TGOLN2: variants seen among roughly 807,000 people sequenced by gnomAD.
The protein encoded by TGOLN2 is trans-Golgi network integral membrane protein 2.
Under a neutral mutation model 31.3 loss-of-function variants are expected in TGOLN2, and 19 were observed. The observed-to-expected ratio is 0.61, with a 90% CI of 0.42 to 0.89. The LOEUF is 0.89. Among genes scored for constraint, TGOLN2 ranks in the 40% least tolerant of loss-of-function variants. The pLI is 0.00. For missense variants in TGOLN2, 540 were observed against 559.2 expected (o/e 0.97, Z 0.35); for synonymous variants, 222 against 226.7 (o/e 0.98, Z 0.19).
Position 85,318,435 on chromosome 2 carries a change from T to C in TGOLN2, c.*4301A>G, listed in dbSNP as rs1399091077. ...CATCTGACTTGCAGAACTAGACGAG[T>C]TGAGTCACTGTTAGCTCTGGATATA... On this transcript the variant is annotated 3_prime_UTR_variant, in exon 4 of 4. Transcript: ENST00000377386. 4 of 152,112 alleles carry C rather than the reference T, an allele frequency of 2.6e-5. No homozygotes were observed. The highest frequency in any genetic ancestry group is 6.5e-5 in the Admixed American group (1 of 15,272). The allele number at this position is 152,112 out of a possible 1,614,324, so 9.4% of individuals were successfully genotyped here. A position where few individuals can be genotyped will look rare whatever the true frequency, so the allele number is the denominator to read the frequency against.
rs1682739593 is a variant in TGOLN2, at chr2:85,326,605, C to T, written c.1127G>A (p.Gly376Glu). 2.5e-6 allele frequency: 4 copies of T among 1,614,026 alleles called. No homozygotes were observed. In the East Asian group the frequency reaches 6.7e-5, roughly 27 times the overall value. The part of the protein sequence containing the change: ...EKDDLYPNGS[G>E]NGSAESSHFF... Reference sequence around the variant, plus strand: ...GTGGCTGCTCTCCGCGCTGCCATTTCCAGAACCGTTCGGATAAAGGTCATC... The same window carrying T: ...GTGGCTGCTCTCCGCGCTGCCATTTTCAGAACCGTTCGGATAAAGGTCATC... The change falls in exon 2 of 4, where the codon GGA becomes GAA. Residue 376 changes from glycine to glutamate, a missense_variant. By Grantham distance (98) the Gly-to-Glu change is moderately conservative (BLOSUM62 -2). Coordinates refer to ENST00000377386, the MANE Select transcript of TGOLN2 (RefSeq NM_006464.4).
chr2:85,326,735 GT>G lies in TGOLN2; in HGVS notation c.996del (p.Glu334ArgfsTer57), dbSNP rs1682746105. On this transcript the variant is annotated frameshift_variant, in exon 2 of 4. Transcript: ENST00000377386. LOFTEE classifies it high-confidence loss of function. Reference protein sequence around the residue: ...EPKEAEDDDTGPEEGSPPKEE... With the variant: ...EPKEAEDDDTXPEEGSPPKEE... ...TCTTTGGGCGGTGAGCCCTCCTCGG[GT>G]CCTGTATCATCATCTTCAGCCTCTT... The G allele has an allele frequency of 1.9e-6, 3 of 1,613,920 alleles. No homozygotes were observed. The South Asian group carries it at 3.3e-5, about 18-fold the overall frequency.
chr2:85,324,627 CGG>C (rs1682668452), intron 3 of TGOLN2: 1 of 465,830 alleles, frequency 2.1e-6, no homozygotes, highest in African/African-American at 2.1e-5. Flanking sequence ...AGAAACTTAG[CGG>C]AAAAAAAAAA....
Position 85,327,081 on chromosome 2 carries a change from T to C in TGOLN2, c.651A>G (p.Pro217=). 2 of 1,613,624 alleles carry C rather than the reference T, an allele frequency of 1.2e-6. No homozygotes were observed. The highest frequency in any genetic ancestry group is 1.7e-6 in the Non-Finnish European group (2 of 1,179,774). ...PNKSGAEKQT[P]KDGSNKSGAE... is the part of the protein sequence containing the mutation. ...CACCGGACTTGTTAGAGCCGTCTTT[T>C]GGAGTCTGCTTCTCCGCACCCGACT... Residue 217 remains proline, a synonymous_variant, in exon 2 of 4, where the codon CCA becomes CCG. Coordinates refer to ENST00000377386, the MANE Select transcript of TGOLN2 (RefSeq NM_006464.4).
In TGOLN2 at chr2:85,319,809, A is replaced by C. The variant is rs4832164; in HGVS notation, c.*2927T>G. 89,050 of 152,076 alleles carry C rather than the reference A, an allele frequency of 0.59. 26,764 individuals are homozygous for C. Among genetic ancestry groups the C allele is most frequent in the East Asian group, 0.96 (4,961 of 5,174 alleles). 9.4% of individuals were successfully genotyped at this position (152,076 alleles called of 1,614,324 possible). A position where few individuals can be genotyped will look rare whatever the true frequency, so the allele number is the denominator to read the frequency against. Reference sequence around the variant, plus strand: ...GGAAGTCCTAAGGAAGGTCACCATGATCAGCAGATAGGAAAGCATTGCCAA... The same window carrying C: ...GGAAGTCCTAAGGAAGGTCACCATGCTCAGCAGATAGGAAAGCATTGCCAA... On this transcript the variant is annotated 3_prime_UTR_variant, in exon 4 of 4. Coordinates refer to ENST00000377386, the MANE Select transcript of TGOLN2 (RefSeq NM_006464.4).
rs779178349 is a variant in TGOLN2, at chr2:85,324,956, G to A, written c.1267C>T (p.Arg423Trp). Residue 423 changes from arginine (R) to tryptophan (W), a missense_variant, in exon 3 of 4, where the codon CGG becomes TGG. Arg to Trp is a moderately radical substitution (Grantham distance 101, BLOSUM62 -3). Transcript: ENST00000377386. Reference sequence around the variant, plus strand: ...TGGTAGTCACTGGCCTTTGGCCGCCGGGTGACTTTAGATCTTTTTCCTTCC... The same window carrying A: ...TGGTAGTCACTGGCCTTTGGCCGCCAGGTGACTTTAGATCTTTTTCCTTCC... ...VLEGKRSKVT[R>W]RPKASDYQRL... 40 of 1,554,468 alleles carry A rather than the reference G, an allele frequency of 2.6e-5. No individual in the cohort carries two copies. The highest frequency in any genetic ancestry group is 3.1e-5 in the Non-Finnish European group (36 of 1,148,262).
In TGOLN2 at chr2:85,327,899, C is replaced by A; in HGVS notation, c.46+18G>T. 1.3e-6 allele frequency: 2 copies of A among 1,593,734 alleles called. No homozygotes were observed. Among genetic ancestry groups the A allele is most frequent in the East Asian group, 2.3e-5 (1 of 43,880 alleles). On this transcript the variant is annotated intron_variant, in intron 1 of 3. Coordinates refer to ENST00000377386, the MANE Select transcript of TGOLN2 (RefSeq NM_006464.4). ...GGGATCTGGGGGCAAGAGTGGGATG[C>A]GGGATGGAGGGTCTTACCCGCCGCT...
intron 3 of TGOLN2, chr2:85,324,710 G>A (rs1414900035): frequency 3.3e-6 from 2 of 613,814 alleles, no homozygotes; most frequent in African/African-American, 1.9e-5. Flanking sequence ...GTATTCCAAG[G>A]TCTCTGCTAG....
In TGOLN2 at chr2:85,327,165, T is replaced by C; in HGVS notation, c.567A>G (p.Pro189=). ...CACCCGACTTGCTGGAGCCGTCTTT[T>C]GGGGTCTGGCCGTCCGCACCCGACT... ...PNKSGADGQT[P]KDGSSKSGAE... Residue 189 remains proline, a synonymous_variant, in exon 2 of 4, where the codon CCA becomes CCG. Coordinates refer to ENST00000377386, the MANE Select transcript of TGOLN2 (RefSeq NM_006464.4). 1 of 1,613,772 alleles carries C rather than the reference T, an allele frequency of 6.2e-7. No homozygotes were observed. The highest frequency in any genetic ancestry group is 8.5e-7 in the Non-Finnish European group (1 of 1,179,844).
At position 85,326,842 on chromosome 2, in the gene TGOLN2, T is replaced by A; in HGVS notation, c.890A>T (p.Glu297Val). 2 of 1,614,044 alleles carry A rather than the reference T, an allele frequency of 1.2e-6. No homozygotes were observed. Among genetic ancestry groups the A allele is most frequent in the Non-Finnish European group, 1.7e-6 (2 of 1,179,904 alleles). ...AATGAGGTCAGTTTCCTCCCCAGAT[T>A]CGGTTTTGAAAGCATGAGGAGAAAG... ...GKLSPHAFKT[E>V]SGEETDLISP... The change falls in exon 2 of 4, where the codon GAA becomes GTA. Residue 297 changes from glutamate to valine, a missense_variant. Coordinates refer to ENST00000377386, the MANE Select transcript of TGOLN2 (RefSeq NM_006464.4).
In TGOLN2 at chr2:85,327,270, C is replaced by G. The variant is rs980552270; in HGVS notation, c.462G>C (p.Ser154=). ...AQTPEDSPNR[S]GAEAKTQKDS... is the part of the protein sequence containing the mutation. ...CTTTTTGGGTCTTTGCCTCCGCACCCGACCTGTTGGGGCTGTCTTCTGGGG... is the reference window on the plus strand; with the variant it reads ...CTTTTTGGGTCTTTGCCTCCGCACCGGACCTGTTGGGGCTGTCTTCTGGGG... Residue 154 remains serine (S), a synonymous_variant, in exon 2 of 4, where the codon TCG becomes TCC. Coordinates refer to ENST00000377386, the MANE Select transcript of TGOLN2 (RefSeq NM_006464.4). 1 of 1,612,774 alleles carries G rather than the reference C, an allele frequency of 6.2e-7. No homozygotes were observed. Among genetic ancestry groups the G allele is most frequent in the African/African-American group, 1.3e-5 (1 of 74,896 alleles).
intron 2 of TGOLN2, 134 bp from the exon 3 acceptor site, chr2:85,325,132 AG>A: frequency 1.3e-6 from 1 of 753,188 alleles, no homozygotes; most frequent in Non-Finnish European, 2.2e-6. Flanking sequence ...ACACTCACAG[AG>A]GTCTATTTAA....
Position 85,322,801 on chromosome 2 carries a change from T to TGACC in TGOLN2, c.1309-64_1309-61dup, listed in dbSNP as rs776745488. On this transcript the variant is annotated intron_variant, in intron 3 of 3. Coordinates refer to ENST00000377386, the MANE Select transcript of TGOLN2 (RefSeq NM_006464.4). Reference sequence around the variant, plus strand: ...GAAAACATTCAGAATTAAGACATACTGACCCACCACCACAGAAACAGCAAT... The same window carrying TGACC: ...GAAAACATTCAGAATTAAGACATACTGACCGACCCACCACCACAGAAACAGCAAT... 5.0e-6 allele frequency: 8 copies of TGACC among 1,589,314 alleles called. No individual in the cohort carries two copies. The South Asian group carries it at 8.1e-5, about 16-fold the overall frequency.
At position 85,327,964 on chromosome 2, in the gene TGOLN2, C is replaced by A; in HGVS notation, c.-2G>T. On this transcript the variant is annotated 5_prime_UTR_variant, in exon 1 of 4. In the 5' UTR this introduces an upstream ATG that the reference lacks. Transcript: ENST00000377386. ...GACCAAGGCAACCACGAACCGCATC[C>A]TGCTCGGATAGCGCTTCCGCCCTCT... 1 of 1,592,386 alleles carries A rather than the reference C, an allele frequency of 6.3e-7. No individual in the cohort carries two copies. The highest frequency in any genetic ancestry group is 2.3e-5 in the East Asian group (1 of 43,882).
chr2:85,320,531 C>T lies in TGOLN2; in HGVS notation c.*2205G>A, dbSNP rs1381667370. The T allele has an allele frequency of 6.6e-6, 1 of 152,216 alleles. No homozygotes were observed. The highest frequency in any genetic ancestry group is 1.5e-5 in the Non-Finnish European group (1 of 68,050). 9.4% of individuals were successfully genotyped at this position (152,216 alleles called of 1,614,324 possible). A position where few individuals can be genotyped will look rare whatever the true frequency, so the allele number is the denominator to read the frequency against. ...AGTTAGGAATTTAGGTGACCGAAGA[C>T]TGTCCTAGACAGTTGGGAGGGACAG... On this transcript the variant is annotated 3_prime_UTR_variant, in exon 4 of 4. Transcript: ENST00000377386.
chr2:85,327,028 G>C lies in TGOLN2; in HGVS notation c.704C>G (p.Pro235Arg). The part of the protein sequence containing the change: ...GAEEQGPIDG[P>R]SKSGAEEQTS... ...CTGCTCCTCCGCACCCGACTTGCTG[G>C]GCCCGTCTATTGGGCCCTGCTCCTC... The change falls in exon 2 of 4, where the codon CCC becomes CGC. Residue 235 changes from proline to arginine, a missense_variant. Coordinates refer to ENST00000377386, the MANE Select transcript of TGOLN2 (RefSeq NM_006464.4). 1.2e-6 allele frequency: 2 copies of C among 1,613,774 alleles called. No individual in the cohort carries two copies. The highest frequency in any genetic ancestry group is 2.7e-5 in the African/African-American group (2 of 74,992).
In TGOLN2 at chr2:85,319,170, A is replaced by G. The variant is rs188743201; in HGVS notation, c.*3566T>C. 4.2e-5 allele frequency: 6 copies of G among 143,982 alleles called. No homozygotes were observed. The East Asian group carries it at 1.2e-3, about 30-fold the overall frequency. 8.9% of individuals were successfully genotyped at this position (143,982 alleles called of 1,614,324 possible). On this transcript the variant is annotated 3_prime_UTR_variant, in exon 4 of 4. Coordinates refer to ENST00000377386, the MANE Select transcript of TGOLN2 (RefSeq NM_006464.4). Reference sequence around the variant, plus strand: ...GATGTGCGGTATTTTCTTCAATGCTATTTCTTTCTTTTTTTTTTTTTTTTT... The same window carrying G: ...GATGTGCGGTATTTTCTTCAATGCTGTTTCTTTCTTTTTTTTTTTTTTTTT...
At position 85,327,559 on chromosome 2, in the gene TGOLN2, G is replaced by A. The variant is rs766615492; in HGVS notation, c.173C>T (p.Pro58Leu). Reference protein sequence around the residue: ...QRPGGSTKSHPEPQTPKDSPS... With the variant: ...QRPGGSTKSHLEPQTPKDSPS... ...GCTGTCTTTTGGAGTCTGCGGCTCC[G>A]GATGCGACTTGGTAGAGCCTCCAGG... is the stretch of plus-strand genomic sequence containing the variant. The change falls in exon 2 of 4, where the codon CCG (proline) becomes CTG (leucine). Residue 58 changes from proline to leucine, a missense_variant. Transcript: ENST00000377386. The A allele has an allele frequency of 4.1e-5, 66 of 1,613,954 alleles. No individual in the cohort carries two copies. The highest frequency in any genetic ancestry group is 5.3e-5 in the Non-Finnish European group (63 of 1,179,918).
intron 2 of TGOLN2, among the ~76,000 whole-genome samples, chr2:85,325,322 T>C (rs1011808090): frequency 1.1e-4 from 16 of 152,206 alleles, no homozygotes; most frequent in African/African-American, 3.9e-4. Flanking sequence ...ATCTAGGATA[T>C]AGGACATTCC....
Sources: allele counts gnomAD v4.1 joint callset (sites outside exome capture counted in the v4.1 genomes callset), GRCh38; gene constraint gnomAD v4.1.1; transcripts MANE v1.5; gene names NCBI Gene and HGNC (gene_info 2026-07-23, HGNC 2026-07-21).